The following RGS11 variants were observed in gnomAD, a reference collection of about 807,000 sequenced individuals.
The protein encoded by RGS11 is regulator of G-protein signaling 11.
A neutral mutation model predicts 71.1 loss-of-function variants in RGS11; 86 were observed. The observed-to-expected ratio is 1.21, with a 90% CI of 1.02 to 1.45. RGS11 has a LOEUF of 1.45. RGS11 is among the 40% of genes most tolerant of loss of function. RGS11 has a pLI of 0.00. For missense variants in RGS11, 734 were observed against 635.1 expected (o/e 1.16, Z -1.67); for synonymous variants, 298 against 254.2 (o/e 1.17, Z -1.64).
rs1265465867 is a variant in RGS11 at position 269,309 on chromosome 16, G to T, written c.1364C>A (p.Thr455Lys). 6 of 1,594,078 alleles carry T rather than the reference G, an allele frequency of 3.8e-6. No individual in the cohort carries two copies. ...PALLPTPVEP[T>K]AACGPGGGDG... ...TCCACCCCCAGGGCCACAAGCCGCTGTGGGCTCCACAGGGGTGGGAAGGAG... is the reference window on the plus strand; with the variant it reads ...TCCACCCCCAGGGCCACAAGCCGCTTTGGGCTCCACAGGGGTGGGAAGGAG... Residue 455 changes from threonine (T) to lysine (K), a missense_variant, in exon 17 of 17, where the codon ACA becomes AAA. Thr to Lys is a moderately conservative substitution (Grantham distance 78). Transcript: ENST00000397770.
chr16:274,779 G>A (rs538134578), intron 4 of RGS11, 197 bp downstream of exon 4: 18 of 767,040 alleles, frequency 2.3e-5, no homozygotes, highest in African/African-American at 1.5e-4. Flanking sequence ...TCCCTCAGCC[G>A]GGTCCTTCTC....
rs112757024 is a variant in RGS11, at chr16:272,270, G to A, written c.657+593C>T. The A allele has an allele frequency of 7.8e-5, 97 of 1,239,884 alleles. No individual in the cohort carries two copies. The African/African-American group carries it at 1.5e-3, about 19-fold the overall frequency. 76.8% of individuals were successfully genotyped at this position (1,239,884 alleles called of 1,614,324 possible). On this transcript the variant is annotated intron_variant, in intron 9 of 16. Coordinates refer to ENST00000397770, the MANE Select transcript of RGS11 (RefSeq NM_183337.3). ...GGCACCTCGCTGGGGCCAGAGCGGA[G>A]GAGGCGGACGCGCTGCGAGTCCTGG...
chr16:275,328 C>G lies in RGS11; in HGVS notation c.166G>C (p.Asp56His). Residue 56 changes from aspartate (D) to histidine (H), a missense_variant, in exon 3 of 17, where the codon GAC (aspartate) becomes CAC (histidine). By Grantham distance (81) the Asp-to-His change is moderately conservative (BLOSUM62 -1). Coordinates refer to ENST00000397770, the MANE Select transcript of RGS11 (RefSeq NM_183337.3). ...TTCTGGGCCAACCACTGCACGACGTCGCTGCCTGCACGGGAGAGACAGAGG... is the reference window on the plus strand; with the variant it reads ...TTCTGGGCCAACCACTGCACGACGTGGCTGCCTGCACGGGAGAGACAGAGG... ...TVIPHAVTGS[D>H]VVQWLAQKFC... 1 of 1,612,428 alleles carries G rather than the reference C, an allele frequency of 6.2e-7. No homozygotes were observed. Among genetic ancestry groups the G allele is most frequent in the Non-Finnish European group, 8.5e-7 (1 of 1,179,856 alleles).
chr16:274,905 C>T, intron 4 of RGS11, 71 bp downstream of exon 4: 1 of 1,542,974 alleles, frequency 6.5e-7, no homozygotes, highest in South Asian at 1.2e-5. Context: ...CCTCCTGTCT[C>T]CCCGAGTTGG....
chr16:269,087 A>G lies in RGS11; in HGVS notation c.*182T>C, dbSNP rs562788031. Reference sequence around the variant, plus strand: ...ACACCTGGACCCATTCCTTCTGGGCAGGGAGGGCTTGCTGGAGGGAGGGAG... The same window carrying G: ...ACACCTGGACCCATTCCTTCTGGGCGGGGAGGGCTTGCTGGAGGGAGGGAG... On this transcript the variant is annotated 3_prime_UTR_variant, in exon 17 of 17. Transcript: ENST00000397770. 6.8e-5 allele frequency: 65 copies of G among 951,584 alleles called. No homozygotes were observed. The African/African-American group carries it at 8.3e-4, about 12-fold the overall frequency. 58.9% of individuals were successfully genotyped at this position (951,584 alleles called of 1,614,324 possible).
Position 268,487 on chromosome 16 carries a change from T to G in RGS11, c.*782A>C. ...CCAGTCTGGGGGACTGGTGAGGCAC[T>G]TGGGGGATGGGGAGCAAGGCCAGCT... On this transcript the variant is annotated 3_prime_UTR_variant, in exon 17 of 17. Transcript: ENST00000397770. 2.0e-6 allele frequency: 1 copy of G among 503,768 alleles called. No individual in the cohort carries two copies. Among genetic ancestry groups the G allele is most frequent in the African/African-American group, 1.9e-5 (1 of 51,750 alleles). 31.2% of individuals were successfully genotyped at this position (503,768 alleles called of 1,614,324 possible). A position where few individuals can be genotyped will look rare whatever the true frequency, so the allele number is the denominator to read the frequency against.
At chr16:274,304 G>A (rs371267043) in intron 4 of RGS11, 39 bp from the exon 5 acceptor site, 66 of 1,585,296 alleles carry the variant, frequency 4.2e-5, no homozygotes, top group African/African-American at 3.2e-4. Context: ...GGACGCCTGC[G>A]TCTGTGCCTC....
intron 4 of RGS11, chr16:274,560 CA>C: frequency 1.7e-6 from 1 of 594,746 alleles, no homozygotes; most frequent in Non-Finnish European, 3.1e-6. Flanking sequence ...TGGATGTAGT[CA>C]CAGTCTGTGC....
At chr16:275,117 G>A (rs566999385) in intron 3 of RGS11, 35 bp from the exon 4 acceptor site, 5 of 1,483,498 alleles carry the variant, frequency 3.4e-6, no homozygotes, top group African/African-American at 1.4e-5. Context: ...GCGGGGCCGC[G>A]GAAGCGGGCG....
chr16:275,825 G>A, intron 1 of RGS11, 24 bp downstream of exon 1: 3 of 1,042,894 alleles, frequency 2.9e-6, no homozygotes, highest in Non-Finnish European at 3.6e-6. Context: ...TCGGGGGACG[G>A]CGGGACACCC....
intron 8 of RGS11, among the ~76,000 whole-genome samples, chr16:273,177 G>A (rs201185957): frequency 2.8e-4 from 42 of 152,186 alleles, no homozygotes; most frequent in Non-Finnish European, 5.1e-4. Flanking sequence ...AGCCAAGGCC[G>A]CCCCCACTCT....
In RGS11 at chr16:274,075, G is replaced by A. The variant is rs149201684; in HGVS notation, c.397C>T (p.Arg133Ter). 3.7e-4 allele frequency: 571 copies of A among 1,551,390 alleles called. 3 individuals are homozygous for A. The African/African-American group carries it at 6.6e-3, about 18-fold the overall frequency. ...TAATCCACCAGGGTCCCCCGTTTTC[G>A]GATGTTCTTCTTGGCCAGGTAGATG... is the stretch of plus-strand genomic sequence containing the variant. ...YAIYLAKKNI[R>*]KRGTLVDYEK... The change falls in exon 6 of 17, where the codon CGA (arginine) becomes TGA (stop). Residue 133 changes from arginine (R) to a stop codon, truncating the protein, a stop_gained. Transcript: ENST00000397770. LOFTEE classifies it high-confidence loss of function.
intron 1 of RGS11, 114 bp from the exon 2 acceptor site, chr16:275,612 G>A: frequency 2.1e-6 from 2 of 940,034 alleles, no homozygotes; most frequent in Non-Finnish European, 3.0e-6. Context: ...GGCGGCGGCG[G>A]ATTCCAGGCC....
At chr16:270,452 C>T in intron 15 of RGS11, 71 bp downstream of exon 15, 1 of 1,499,718 alleles carries the variant, frequency 6.7e-7, no homozygotes, top group Non-Finnish European at 9.0e-7. Flanking sequence ...GGACAGAGCC[C>T]TTGAGGGTGG....
chr16:272,176 A>C, intron 9 of RGS11: 1 of 1,152,680 alleles, frequency 8.7e-7, no homozygotes. Flanking sequence ...TTATGTTTTT[A>C]AACAACACAT....
chr16:269,343 T>C lies in RGS11; in HGVS notation c.1330A>G (p.Ser444Gly). 6.2e-7 allele frequency: 1 copy of C among 1,603,582 alleles called. No homozygotes were observed. The highest frequency in any genetic ancestry group is 1.1e-5 in the South Asian group (1 of 89,444). The change falls in exon 17 of 17, where the codon AGC becomes GGC. Residue 444 changes from serine to glycine, a missense_variant. Ser to Gly is a moderately conservative substitution (Grantham distance 56). Transcript: ENST00000397770. ...ACAGGGGTGGGAAGGAGTGCAGGGC[T>C]GGGGCTCGAGTGCCGTGGCCTCCAC... is the stretch of plus-strand genomic sequence containing the variant. ...FTWRPRHSSP[S>G]PALLPTPVEP... is the part of the protein sequence containing the mutation.
intron 1 of RGS11, 61 bp downstream of exon 1, chr16:275,788 C>T (rs1222368740): frequency 1.9e-5 from 11 of 575,624 alleles, no homozygotes; most frequent in South Asian, 5.6e-5. Context: ...TGCTCTCCGG[C>T]CCCTCCCGGC....
Position 274,982 on chromosome 16 carries a change from C to G in RGS11, c.312G>C (p.Arg104Ser). 6.5e-7 allele frequency: 1 copy of G among 1,541,314 alleles called. No individual in the cohort carries two copies. The highest frequency in any genetic ancestry group is 8.8e-7 in the Non-Finnish European group (1 of 1,141,674). ...LMLRPDETPY[R>S]FQTPYFWTST... is the part of the protein sequence containing the mutation. ...CTGCACCCCCGAGCCTGACCTGGAA[C>G]CTGTAGGGCGTCTCGTCTGGCCGGA... Residue 104 changes from arginine to serine, a missense_variant, in exon 4 of 17, where the codon AGG (arginine) becomes AGC (serine). Transcript: ENST00000397770.
intron 9 of RGS11, chr16:272,445 G>A (rs754985139): frequency 7.6e-7 from 1 of 1,314,104 alleles, no homozygotes. Flanking sequence ...GCTGCTGCGG[G>A]GCTCAGATGC....
Sources: allele counts gnomAD v4.1 joint callset (sites outside exome capture counted in the v4.1 genomes callset), GRCh38; gene constraint gnomAD v4.1.1; transcripts MANE v1.5; gene names NCBI Gene and HGNC (gene_info 2026-07-23, HGNC 2026-07-21).